The following CDH20 variants were observed in gnomAD, a reference collection of about 807,000 sequenced individuals.
CDH20 encodes cadherin-20.
Under a neutral mutation model 74.2 loss-of-function variants are expected in CDH20, and 29 were observed. The ratio of observed to expected loss-of-function variants is 0.39; its 90% CI spans 0.29 to 0.53. The LOEUF is 0.53. CDH20 is among the 20% of genes least tolerant of loss of function. The pLI is 0.69. For synonymous variants in CDH20, 469 were observed against 405.4 expected, an observed-to-expected ratio of 1.16 and a Z score of -1.88; for missense variants, 988 against 1,048.3, an observed-to-expected ratio of 0.94 and a Z score of 0.79.
intron 1 of CDH20, among the ~76,000 whole-genome samples, chr18:61,470,582 G>A (rs550683855): frequency 1.1e-3 from 169 of 150,926 alleles, no homozygotes; most frequent in African/African-American, 3.8e-3. Flanking sequence ...GCCTTAACGG[G>A]AAAAAGAGAC....
intron 5 of CDH20, among the ~76,000 whole-genome samples, chr18:61,504,728 G>C (rs1418904699): frequency 6.6e-6 from 1 of 152,098 alleles, no homozygotes; most frequent in Non-Finnish European, 1.5e-5. Flanking sequence ...AAAGGAGGAA[G>C]AGTCTAGCCA....
chr18:61,507,538 T>G lies in CDH20; in HGVS notation c.995T>G (p.Val332Gly), dbSNP rs367613746. Reference protein sequence around the residue: ...FDISTDPNFQVGIITVKKPLS... With the variant: ...FDISTDPNFQGGIITVKKPLS... Reference sequence around the variant, plus strand: ...ATTAGCACAGATCCCAATTTCCAAGTTGGTATCATAACTGTGAAGAAGGTA... The same window carrying G: ...ATTAGCACAGATCCCAATTTCCAAGGTGGTATCATAACTGTGAAGAAGGTA... Residue 332 changes from valine (V) to glycine (G), a missense_variant, in exon 6 of 12, where the codon GTT (valine) becomes GGT (glycine). By Grantham distance (109) the Val-to-Gly change is moderately radical (BLOSUM62 -3). This residue lies in a region of CDH20 where 613 missense variants were observed against 755.2 expected (regional missense o/e 0.81). Coordinates refer to ENST00000262717, the MANE Select transcript of CDH20 (RefSeq NM_031891.4). The G allele has an allele frequency of 5.6e-6, 9 of 1,610,646 alleles. No individual in the cohort carries two copies. Among genetic ancestry groups the G allele is most frequent in the Non-Finnish European group, 7.6e-6 (9 of 1,178,566 alleles).
chr18:61,363,338 G>GT (rs1322396279), intron 1 of CDH20, among the ~76,000 whole-genome samples: 1 of 151,964 alleles, frequency 6.6e-6, no homozygotes, highest in African/African-American at 2.4e-5. Context: ...ACTTTTTATG[G>GT]TACCCAAGAA....
chr18:61,392,472 A>T (rs928318758), intron 1 of CDH20, among the ~76,000 whole-genome samples: 2 of 152,166 alleles, frequency 1.3e-5, no homozygotes, highest in Non-Finnish European at 2.9e-5. Context: ...ATCCCCATGG[A>T]TACAGAGGAC....
rs767482067 is a variant in CDH20, at chr18:61,554,512, C to T, written c.2223C>T (p.Pro741=). Reference sequence around the variant, plus strand: ...CCGACATGGACCTGTGGGCACCGCCCTTCGACTCCCTCCAGACGTATATGT... The same window carrying T: ...CCGACATGGACCTGTGGGCACCGCCTTTCGACTCCCTCCAGACGTATATGT... ...YEADMDLWAP[P]FDSLQTYMFE... is the part of the protein sequence containing the mutation. The change falls in exon 12 of 12, where the codon CCC becomes CCT. Residue 741 remains proline, a synonymous_variant. Coordinates refer to ENST00000262717, the MANE Select transcript of CDH20 (RefSeq NM_031891.4). The T allele has an allele frequency of 3.6e-5, 58 of 1,612,788 alleles. No individual in the cohort carries two copies. The highest frequency in any genetic ancestry group is 4.9e-5 in the Non-Finnish European group (58 of 1,179,804).
At chr18:61,388,014 T>C (rs1911658642) in intron 1 of CDH20, among the ~76,000 whole-genome samples, 1 of 152,160 alleles carries the variant, frequency 6.6e-6, no homozygotes, top group South Asian at 2.1e-4. Flanking sequence ...TTGCAGAAAT[T>C]AAAACCTGGC....
Position 61,347,333 on chromosome 18 carries a change from C to T in CDH20, c.-153+13506C>T, listed in dbSNP as rs1437502824. 1.1e-3 allele frequency among the ~76,000 whole-genome samples: 152 copies of T among 136,138 alleles called. 3 individuals carry two copies. Among genetic ancestry groups the T allele is most frequent in the African/African-American group, 4.6e-3 (144 of 31,042 alleles). The allele number at this position is 136,138 out of a possible 152,430, so 89.3% of individuals were successfully genotyped here. ...ATATATATATATACACACACACACA[C>T]ACACACACACACACACACATATATA... On this transcript the variant is annotated intron_variant, in intron 1 of 11. Coordinates refer to ENST00000262717, the MANE Select transcript of CDH20 (RefSeq NM_031891.4).
intron 1 of CDH20, among the ~76,000 whole-genome samples, chr18:61,357,535 T>C (rs767375468): frequency 6.6e-6 from 1 of 152,208 alleles, no homozygotes; most frequent in Non-Finnish European, 1.5e-5. Flanking sequence ...GTCCTCGTGG[T>C]TGCAAAATGG....
At chr18:61,342,676 G>A (rs1909990336) in intron 1 of CDH20, among the ~76,000 whole-genome samples, 1 of 152,104 alleles carries the variant, frequency 6.6e-6, no homozygotes, top group Non-Finnish European at 1.5e-5. Context: ...AAATCCAGAA[G>A]CAAAAGTACC....
intron 1 of CDH20, among the ~76,000 whole-genome samples, chr18:61,441,504 G>A (rs1281107578): frequency 3.9e-5 from 6 of 152,032 alleles, no homozygotes; most frequent in Non-Finnish European, 8.8e-5. Flanking sequence ...TTTATTAGGT[G>A]AACCAAATAA....
intron 1 of CDH20, among the ~76,000 whole-genome samples, chr18:61,461,123 T>C (rs1909753561): frequency 6.6e-6 from 1 of 152,130 alleles, no homozygotes; most frequent in South Asian, 2.1e-4. Context: ...ACGTGGCCTA[T>C]ACAAGTAGGG....
intron 1 of CDH20, among the ~76,000 whole-genome samples, chr18:61,448,759 A>C (rs1344144158): frequency 6.6e-6 from 1 of 152,182 alleles, no homozygotes; most frequent in Non-Finnish European, 1.5e-5. Context: ...TATTAAGACA[A>C]GTGACTAAAT....
chr18:61,444,007 C>G (rs368887362), intron 1 of CDH20, among the ~76,000 whole-genome samples: 2 of 152,046 alleles, frequency 1.3e-5, no homozygotes. Flanking sequence ...TGTCTGGACC[C>G]GTTACTCTTT....
At chr18:61,402,408 A>G (rs547635146) in intron 1 of CDH20, among the ~76,000 whole-genome samples, 4 of 152,306 alleles carry the variant, frequency 2.6e-5, no homozygotes, top group South Asian at 4.1e-4. Context: ...AACTTTCCTG[A>G]GATTTAAAAA....
intron 1 of CDH20, among the ~76,000 whole-genome samples, chr18:61,338,302 C>CTT (rs796351869): frequency 6.7e-6 from 1 of 149,430 alleles, no homozygotes; most frequent in African/African-American, 2.4e-5. Context: ...GAATTTTATT[C>CTT]TTTTTTTTTT....
intron 10 of CDH20, among the ~76,000 whole-genome samples, chr18:61,546,073 A>G (rs1230899295): frequency 6.6e-6 from 1 of 152,098 alleles, no homozygotes; most frequent in Non-Finnish European, 1.5e-5. Context: ...TGTCAAATGA[A>G]CCTCATCTGT....
At position 61,528,240 on chromosome 18, in the gene CDH20, C is replaced by A; in HGVS notation, c.1271+20C>A. On this transcript the variant is annotated intron_variant, in intron 7 of 11. Coordinates refer to ENST00000262717, the MANE Select transcript of CDH20 (RefSeq NM_031891.4). ...AATCAGGTTTTTCCACAGATTTCACCTTTTCCTTATATGCTGGAATCTTCC... is the reference window on the plus strand; with the variant it reads ...AATCAGGTTTTTCCACAGATTTCACATTTTCCTTATATGCTGGAATCTTCC... 1 of 1,610,690 alleles carries A rather than the reference C, an allele frequency of 6.2e-7. No individual in the cohort carries two copies. Among genetic ancestry groups the A allele is most frequent in the Non-Finnish European group, 8.5e-7 (1 of 1,177,442 alleles).
chr18:61,427,284 T>C (rs1419882904), intron 1 of CDH20, among the ~76,000 whole-genome samples: 1 of 152,154 alleles, frequency 6.6e-6, no homozygotes, highest in African/African-American at 2.4e-5. Flanking sequence ...TTTCAACCCA[T>C]TTTATCCTCA....
chr18:61,449,448 T>A (rs1199304290), intron 1 of CDH20, among the ~76,000 whole-genome samples: 2 of 152,138 alleles, frequency 1.3e-5, no homozygotes, highest in East Asian at 1.9e-4. Context: ...ATATATATAT[T>A]GTCTCTGATT....
Sources: gnomAD v4.1 joint callset for allele counts (sites outside exome capture counted in the v4.1 genomes callset) on GRCh38, gnomAD v4.1.1 for gene constraint, gnomAD v4.1.1 regional missense constraint, MANE v1.5 for transcripts, NCBI Gene and HGNC (gene_info 2026-07-23, HGNC 2026-07-21) for gene names.